The following OR51I1 variants were observed in gnomAD, a reference collection of about 807,000 sequenced individuals.
The protein encoded by OR51I1 is olfactory receptor 51I1.
Under a neutral mutation model 6.9 loss-of-function variants are expected in OR51I1, and 5 were observed. The observed-to-expected ratio is 0.73, with a 90% CI of 0.38 to 1.52. OR51I1 has a LOEUF of 1.52. Ranked by LOEUF, OR51I1 falls within the 40% of genes most tolerant of loss-of-function variation. The pLI is 0.03. For synonymous variants in OR51I1, 183 were observed against 140.3 expected, an observed-to-expected ratio of 1.30 and a Z score of -2.15; for missense variants, 465 against 388.5, an observed-to-expected ratio of 1.20 and a Z score of -1.66.
In OR51I1 at chr11:5,440,951, T is replaced by G. The variant is rs756443564; in HGVS notation, c.564A>C (p.Lys188Asn). The G allele has an allele frequency of 1.2e-5, 19 of 1,613,954 alleles. No individual in the cohort carries two copies. The highest frequency in any genetic ancestry group is 1.5e-5 in the Non-Finnish European group (18 of 1,179,950). The change falls in exon 1 of 1, where the codon AAA becomes AAC. Residue 188 changes from lysine to asparagine, a missense_variant. Physicochemically the swap from Lys to Asn is moderately conservative, Grantham distance 94. Transcript: ENST00000380211. ...HSYCLHPDLM[K>N]VACGDIHVNN... ...TAACATGGATGTCTCCACATGCTAC[T>G]TTCATGAGATCTGGATGGAGACAGT... is the stretch of plus-strand genomic sequence containing the variant.
In OR51I1 at chr11:5,441,452, C is replaced by G. The variant is rs553536107; in HGVS notation, c.63G>C (p.Gly21=). 1.1e-5 allele frequency: 18 copies of G among 1,613,576 alleles called. No homozygotes were observed. Among genetic ancestry groups the G allele is most frequent in the African/African-American group, 2.7e-5 (2 of 74,878 alleles). ...CAACCCAGGTGAGGCCTGTTTGTAT[C>G]CCAGGAATGCCTGTCAGCTGGAGTG... The part of the protein sequence containing the change: ...PATLQLTGIP[G]IQTGLTWVAL... Residue 21 remains glycine, a synonymous_variant, in exon 1 of 1, where the codon GGG becomes GGC. Transcript: ENST00000380211.
In OR51I1 at chr11:5,441,093, T is replaced by C. The variant is rs1850680959; in HGVS notation, c.422A>G (p.Asn141Ser). The C allele has an allele frequency of 6.2e-7, 1 of 1,613,972 alleles. No homozygotes were observed. Among genetic ancestry groups the C allele is most frequent in the Non-Finnish European group, 8.5e-7 (1 of 1,179,948 alleles). ...PLRYVTVLTH[N>S]RILAMGLGIL... ...GCCCAGACCCATAGCCAATATACGGTTGTGAGTGAGCACAGTGACATAGCG... is the reference window on the plus strand; with the variant it reads ...GCCCAGACCCATAGCCAATATACGGCTGTGAGTGAGCACAGTGACATAGCG... Residue 141 changes from asparagine (N) to serine (S), a missense_variant, in exon 1 of 1, where the codon AAC (asparagine) becomes AGC (serine). Coordinates refer to ENST00000380211, the MANE Select transcript of OR51I1 (RefSeq NM_001005288.3).
chr11:5,441,415 A>G lies in OR51I1; in HGVS notation c.100T>C (p.Cys34Arg), dbSNP rs772648354. 18 of 1,613,870 alleles carry G rather than the reference A, an allele frequency of 1.1e-5. No homozygotes were observed. In the South Asian group the frequency reaches 1.8e-4, roughly 16 times the overall value. The change falls in exon 1 of 1, where the codon TGC (cysteine) becomes CGC (arginine). Residue 34 changes from cysteine to arginine, a missense_variant. By Grantham distance (180) the Cys-to-Arg change is radical. Coordinates refer to ENST00000380211, the MANE Select transcript of OR51I1 (RefSeq NM_001005288.3). ...ACAATGGAGATCATGTAGAGGATGC[A>G]GAAAATCAGGGCAACCCAGGTGAGG... ...TGLTWVALIF[C>R]ILYMISIVGN...
chr11:5,440,997 C>A lies in OR51I1; in HGVS notation c.518G>T (p.Gly173Val). 6.2e-7 allele frequency: 1 copy of A among 1,613,910 alleles called. No homozygotes were observed. Among genetic ancestry groups the A allele is most frequent in the Non-Finnish European group, 8.5e-7 (1 of 1,179,934 alleles). The change falls in exon 1 of 1, where the codon GGC becomes GTC. Residue 173 changes from glycine (G) to valine (V), a missense_variant. Gly to Val is a moderately radical substitution (Grantham distance 109). Coordinates refer to ENST00000380211, the MANE Select transcript of OR51I1 (RefSeq NM_001005288.3). Reference protein sequence around the residue: ...FVVKRLPFCKGNVLHHSYCLH... With the variant: ...FVVKRLPFCKVNVLHHSYCLH... Reference sequence around the variant, plus strand: ...ACAGTAGGAGTGATGCAAAACATTGCCTTTGCAGAAGGGCAGTCGTTTCAC... The same window carrying A: ...ACAGTAGGAGTGATGCAAAACATTGACTTTGCAGAAGGGCAGTCGTTTCAC...
rs1233272574 is a variant in OR51I1, at chr11:5,440,704, G to C, written c.811C>G (p.Pro271Ala). ...SMIHRFWKSA[P>A]PVVHVMMSNV... is the part of the protein sequence containing the mutation. ...GACATCATGACATGAACAACAGGTG[G>C]AGCACTTTTCCAGAAGCGGTGAATC... The change falls in exon 1 of 1, where the codon CCA becomes GCA. Residue 271 changes from proline (P) to alanine (A), a missense_variant. Transcript: ENST00000380211. 5 of 1,613,818 alleles carry C rather than the reference G, an allele frequency of 3.1e-6. No homozygotes were observed. In the East Asian group the frequency reaches 1.1e-4, roughly 36 times the overall value.
chr11:5,441,495 G>T lies in OR51I1; in HGVS notation c.20C>A (p.Thr7Asn), dbSNP rs78615247. 4,720 of 1,611,874 alleles carry T rather than the reference G, an allele frequency of 2.9e-3. 107 individuals carry two copies. The African/African-American group carries it at 0.051, about 17-fold the overall frequency. ...CTGGAGTGTTGCTGGCTGGAAGGGG[G>T]TGCCATTGAGACCCAGCATGGTGGG... Reference protein sequence around the residue: MLGLNGTPFQPATLQLT... With the variant: MLGLNGNPFQPATLQLT... Residue 7 changes from threonine to asparagine, a missense_variant, in exon 1 of 1, where the codon ACC (threonine) becomes AAC (asparagine). Coordinates refer to ENST00000380211, the MANE Select transcript of OR51I1 (RefSeq NM_001005288.3).
In OR51I1 at chr11:5,440,776, T is replaced by C. The variant is rs1162795998; in HGVS notation, c.739A>G (p.Ile247Val). ...LKALNTCMSH[I>V]CAVLAFYVPI... The stretch of plus-strand genomic sequence containing the variant: ...ACATAAAAGGCCAGCACTGCACAGA[T>C]GTGTGACATGCAGGTGTTGAGTGCC... Residue 247 changes from isoleucine (I) to valine (V), a missense_variant, in exon 1 of 1, where the codon ATC becomes GTC. Ile to Val is a conservative substitution (Grantham distance 29). Transcript: ENST00000380211. 6.2e-7 allele frequency: 1 copy of C among 1,613,900 alleles called. No homozygotes were observed. Among genetic ancestry groups the C allele is most frequent in the East Asian group, 2.2e-5 (1 of 44,868 alleles).
Position 5,440,875 on chromosome 11 carries a change from T to A in OR51I1, c.640A>T (p.Thr214Ser). Residue 214 changes from threonine (T) to serine (S), a missense_variant, in exon 1 of 1, where the codon ACT becomes TCT. Physicochemically the swap from Thr to Ser is moderately conservative, Grantham distance 58. Transcript: ENST00000380211. The part of the protein sequence containing the change: ...VIIFTYGMDS[T>S]FILLSYALIL... The stretch of plus-strand genomic sequence containing the variant: ...AATGCGTAGGAAAGCAGGATGAAAG[T>A]TGAGTCCATACCATAGGTAAAAATG... 1 of 1,613,620 alleles carries A rather than the reference T, an allele frequency of 6.2e-7. No homozygotes were observed. The highest frequency in any genetic ancestry group is 8.5e-7 in the Non-Finnish European group (1 of 1,179,874).
rs756282970 is a variant in OR51I1 at position 5,441,358 on chromosome 11, A to G, written c.157T>C (p.Trp53Arg). Residue 53 changes from tryptophan to arginine, a missense_variant, in exon 1 of 1, where the codon TGG becomes CGG. Physicochemically the swap from Trp to Arg is moderately radical, Grantham distance 101. Coordinates refer to ENST00000380211, the MANE Select transcript of OR51I1 (RefSeq NM_001005288.3). ...ATGGGCTGATGCAGAGCAGGCTCCC[A>G]AAACACCAGAGTGAGAATGCTGAGG... ...GNLSILTLVFWEPALHQPMYY... is the reference protein window; with the variant it reads ...GNLSILTLVFREPALHQPMYY... 7 of 1,614,006 alleles carry G rather than the reference A, an allele frequency of 4.3e-6. 1 individual carries two copies. In the South Asian group the frequency reaches 7.7e-5, roughly 18 times the overall value.
In OR51I1 at chr11:5,441,304, TG is replaced by T; in HGVS notation, c.210del (p.Asn71MetfsTer13). ...PMYYFLSMLA[L>X]NDLGVSFSTL... ...GTAGAAAAGGACACTCCCAGATCAT[TG>T]AGAGCGAGCATAGAGAGGAAGTAGT... On this transcript the variant is annotated frameshift_variant, in exon 1 of 1. Transcript: ENST00000380211. LOFTEE classifies it high-confidence loss of function. 1 of 1,613,884 alleles carries T rather than the reference TG, an allele frequency of 6.2e-7. No individual in the cohort carries two copies. Among genetic ancestry groups the T allele is most frequent in the East Asian group, 2.2e-5 (1 of 44,870 alleles).
rs1297109512 is a variant in OR51I1 at position 5,441,171 on chromosome 11, C to T, written c.344G>A (p.Gly115Asp). Residue 115 changes from glycine (G) to aspartate (D), a missense_variant, in exon 1 of 1, where the codon GGC (glycine) becomes GAC (aspartate). By Grantham distance (94) the Gly-to-Asp change is moderately conservative (BLOSUM62 -1). Coordinates refer to ENST00000380211, the MANE Select transcript of OR51I1 (RefSeq NM_001005288.3). ...FIHTFSFMES[G>D]ILLAMSLDRF... is the part of the protein sequence containing the mutation. ...ATCCAAGCTCATGGCCAGCAGTATG[C>T]CTGACTCCATGAAGGAGAAAGTGTG... 6.2e-7 allele frequency: 1 copy of T among 1,613,932 alleles called. No homozygotes were observed. Among genetic ancestry groups the T allele is most frequent in the Non-Finnish European group, 8.5e-7 (1 of 1,179,942 alleles).
Position 5,440,823 on chromosome 11 carries a change from A to T in OR51I1, c.692T>A (p.Ile231Lys), listed in dbSNP as rs1484298638. 1 of 1,613,878 alleles carries T rather than the reference A, an allele frequency of 6.2e-7. No individual in the cohort carries two copies. Among genetic ancestry groups the T allele is most frequent in the Admixed American group, 1.7e-5 (1 of 59,902 alleles). ...TGCCTTGAGCCGCTGTTCCTGGGAT[A>T]TGATGACCAGCATGGCTCTCAGGAT... ...ALILRAMLVI[I>K]SQEQRLKALN... Residue 231 changes from isoleucine to lysine, a missense_variant, in exon 1 of 1, where the codon ATA (isoleucine) becomes AAA (lysine). Ile to Lys is a moderately radical substitution (Grantham distance 102). Coordinates refer to ENST00000380211, the MANE Select transcript of OR51I1 (RefSeq NM_001005288.3).
chr11:5,441,309 G>C lies in OR51I1; in HGVS notation c.206C>G (p.Ala69Gly). The stretch of plus-strand genomic sequence containing the variant: ...AAAGGACACTCCCAGATCATTGAGA[G>C]CGAGCATAGAGAGGAAGTAGTACAT... ...QPMYYFLSML[A>G]LNDLGVSFST... The change falls in exon 1 of 1, where the codon GCT becomes GGT. Residue 69 changes from alanine to glycine, a missense_variant. By Grantham distance (60) the Ala-to-Gly change is moderately conservative. Transcript: ENST00000380211. 1 of 1,613,940 alleles carries C rather than the reference G, an allele frequency of 6.2e-7. No homozygotes were observed. The highest frequency in any genetic ancestry group is 1.3e-5 in the African/African-American group (1 of 75,020).
chr11:5,441,049 T>G lies in OR51I1; in HGVS notation c.466A>C (p.Thr156Pro), dbSNP rs1296966788. The change falls in exon 1 of 1, where the codon ACC becomes CCC. Residue 156 changes from threonine (T) to proline (P), a missense_variant. Transcript: ENST00000380211. Reference protein sequence around the residue: ...MGLGILTKSFTTLFPFPFVVK... With the variant: ...MGLGILTKSFPTLFPFPFVVK... ...ACAAAAGGGAAAGGGAAGAGAGTGGTGAAACTCTTGGTAAGGATGCCCAGA... is the reference window on the plus strand; with the variant it reads ...ACAAAAGGGAAAGGGAAGAGAGTGGGGAAACTCTTGGTAAGGATGCCCAGA... 2 of 1,613,896 alleles carry G rather than the reference T, an allele frequency of 1.2e-6. No individual in the cohort carries two copies. The highest frequency in any genetic ancestry group is 3.3e-5 in the Admixed American group (2 of 59,934).
rs867898037 is a variant in OR51I1, at chr11:5,440,859, G to A, written c.656C>T (p.Ser219Phe). 6.2e-7 allele frequency: 1 copy of A among 1,613,794 alleles called. No individual in the cohort carries two copies. Among genetic ancestry groups the A allele is most frequent in the Non-Finnish European group, 8.5e-7 (1 of 1,179,908 alleles). The change falls in exon 1 of 1, where the codon TCC becomes TTC. Residue 219 changes from serine (S) to phenylalanine (F), a missense_variant. Coordinates refer to ENST00000380211, the MANE Select transcript of OR51I1 (RefSeq NM_001005288.3). ...YGMDSTFILL[S>F]YALILRAMLV... ...CATGGCTCTCAGGATCAATGCGTAG[G>A]AAAGCAGGATGAAAGTTGAGTCCAT...
Position 5,440,787 on chromosome 11 carries a change from C to T in OR51I1, c.728G>A (p.Cys243Tyr). ...CAGCACTGCACAGATGTGTGACATGCAGGTGTTGAGTGCCTTGAGCCGCTG... is the reference window on the plus strand; with the variant it reads ...CAGCACTGCACAGATGTGTGACATGTAGGTGTTGAGTGCCTTGAGCCGCTG... Reference protein sequence around the residue: ...QEQRLKALNTCMSHICAVLAF... With the variant: ...QEQRLKALNTYMSHICAVLAF... The change falls in exon 1 of 1, where the codon TGC (cysteine) becomes TAC (tyrosine). Residue 243 changes from cysteine (C) to tyrosine (Y), a missense_variant. Physicochemically the swap from Cys to Tyr is radical, Grantham distance 194. Transcript: ENST00000380211. The T allele has an allele frequency of 2.5e-6, 4 of 1,613,892 alleles. No homozygotes were observed.
chr11:5,440,787 C>A lies in OR51I1; in HGVS notation c.728G>T (p.Cys243Phe). 6.2e-7 allele frequency: 1 copy of A among 1,613,892 alleles called. No homozygotes were observed. The highest frequency in any genetic ancestry group is 8.5e-7 in the Non-Finnish European group (1 of 1,179,942). ...CAGCACTGCACAGATGTGTGACATGCAGGTGTTGAGTGCCTTGAGCCGCTG... is the reference window on the plus strand; with the variant it reads ...CAGCACTGCACAGATGTGTGACATGAAGGTGTTGAGTGCCTTGAGCCGCTG... ...QEQRLKALNTCMSHICAVLAF... is the reference protein window; with the variant it reads ...QEQRLKALNTFMSHICAVLAF... Residue 243 changes from cysteine to phenylalanine, a missense_variant, in exon 1 of 1, where the codon TGC becomes TTC. Physicochemically the swap from Cys to Phe is radical, Grantham distance 205 (BLOSUM62 -2). Transcript: ENST00000380211.
In OR51I1 at chr11:5,441,299, A is replaced by T. The variant is rs116727655; in HGVS notation, c.216T>A (p.Asp72Glu). 3,910 of 1,613,944 alleles carry T rather than the reference A, an allele frequency of 2.4e-3. 76 individuals carry two copies. The African/African-American group carries it at 0.048, about 20-fold the overall frequency. The stretch of plus-strand genomic sequence containing the variant: ...GAAGTGTAGAAAAGGACACTCCCAG[A>T]TCATTGAGAGCGAGCATAGAGAGGA... Reference protein sequence around the residue: ...YYFLSMLALNDLGVSFSTLPT... With the variant: ...YYFLSMLALNELGVSFSTLPT... Residue 72 changes from aspartate to glutamate, a missense_variant, in exon 1 of 1, where the codon GAT (aspartate) becomes GAA (glutamate). Transcript: ENST00000380211.
Position 5,440,876 on chromosome 11 carries a change from T to A in OR51I1, c.639A>T (p.Ser213=), listed in dbSNP as rs1187726215. 1.9e-6 allele frequency: 3 copies of A among 1,613,770 alleles called. No homozygotes were observed. The highest frequency in any genetic ancestry group is 1.7e-6 in the Non-Finnish European group (2 of 1,179,898). ...ATGCGTAGGAAAGCAGGATGAAAGTTGAGTCCATACCATAGGTAAAAATGA... is the reference window on the plus strand; with the variant it reads ...ATGCGTAGGAAAGCAGGATGAAAGTAGAGTCCATACCATAGGTAAAAATGA... ...LVIIFTYGMD[S]TFILLSYALI... The change falls in exon 1 of 1, where the codon TCA becomes TCT. Residue 213 remains serine, a synonymous_variant. Coordinates refer to ENST00000380211, the MANE Select transcript of OR51I1 (RefSeq NM_001005288.3).
Sources: gnomAD v4.1 joint callset for allele counts on GRCh38, gnomAD v4.1.1 for gene constraint, MANE v1.5 for transcripts, NCBI Gene and HGNC (gene_info 2026-07-23, HGNC 2026-07-21) for gene names.